The following LUZP2 variants were observed in gnomAD, a reference collection of about 807,000 sequenced individuals.
LUZP2 encodes leucine zipper protein 2.
LUZP2 carries 52 observed loss-of-function variants against 51.6 expected under a neutral mutation model. The observed-to-expected ratio is 1.01, with a 90% CI of 0.81 to 1.27. LUZP2 has a LOEUF of 1.27. Among genes scored for constraint, LUZP2 ranks in the 50% most tolerant of loss-of-function variants. LUZP2 has a pLI of 0.00. For synonymous variants in LUZP2, 154 were observed against 137.3 expected (o/e 1.12, Z -0.85); for missense variants, 436 against 395.4 (o/e 1.10, Z -0.87).
intron 1 of LUZP2, among the ~76,000 whole-genome samples, chr11:24,688,670 T>A (rs776836512): frequency 5.3e-5 from 8 of 152,122 alleles, no homozygotes; most frequent in Admixed American, 2.0e-4. Flanking sequence ...TTACCACTAT[T>A]GACTCAATGG....
chr11:25,028,350 C>T (rs976541731), intron 9 of LUZP2, among the ~76,000 whole-genome samples: 5 of 152,140 alleles, frequency 3.3e-5, no homozygotes, highest in Non-Finnish European at 5.9e-5. Flanking sequence ...CATCCCCACT[C>T]CCCATGTCCA....
chr11:24,787,700 C>T (rs372365664), intron 5 of LUZP2, among the ~76,000 whole-genome samples: 4 of 152,126 alleles, frequency 2.6e-5, no homozygotes, highest in East Asian at 3.8e-4. Flanking sequence ...CATTAATTTT[C>T]TTTGTGGTAT....
intron 10 of LUZP2, among the ~76,000 whole-genome samples, chr11:25,069,108 G>A (rs938421630): frequency 4.0e-5 from 6 of 151,888 alleles, no homozygotes; most frequent in African/African-American, 1.4e-4. Context: ...TATGAGAAAC[G>A]TTTTTTGGTT....
chr11:24,824,366 CAAAA>C (rs3078050), intron 5 of LUZP2, among the ~76,000 whole-genome samples: 8 of 27,558 alleles, frequency 2.9e-4, no homozygotes, highest in Admixed American at 7.2e-4. Flanking sequence ...AACCCCATCT[CAAAA>C]AAAAAAAAAA....
chr11:25,040,868 C>G (rs954992016), intron 9 of LUZP2, among the ~76,000 whole-genome samples: 5 of 152,106 alleles, frequency 3.3e-5, no homozygotes, highest in African/African-American at 1.2e-4. Context: ...CTTACTATAG[C>G]CCCTGGTTTG....
At chr11:24,656,566 A>G (rs1430840755) in intron 1 of LUZP2, among the ~76,000 whole-genome samples, 1 of 152,212 alleles carries the variant, frequency 6.6e-6, no homozygotes, top group African/African-American at 2.4e-5. Flanking sequence ...GCAGGGCCTC[A>G]TTCCTTCCAG....
In LUZP2 at chr11:24,542,001, A is replaced by T. The variant is rs531990859; in HGVS notation, c.62+44696A>T. ...TGAGACAGAATGGATTTATGTTTTC[A>T]CAGAATTAATGGTATACCAAAAAGA... On this transcript the variant is annotated intron_variant, in intron 1 of 11. Transcript: ENST00000336930. Among the ~76,000 whole-genome samples the T allele has an allele frequency of 2.0e-5, 3 of 152,240 alleles. No homozygotes were observed. The South Asian group carries it at 6.2e-4, about 32-fold the overall frequency.
chr11:24,960,574 TGTGGGATCG>T (rs981123504), intron 7 of LUZP2, among the ~76,000 whole-genome samples: 6 of 152,178 alleles, frequency 3.9e-5, no homozygotes, highest in African/African-American at 1.4e-4. Context: ...TTTGTATTTC[TGTGGGATCG>T]GTGGTGATAT....
At chr11:24,745,450 A>G (rs937434222) in intron 4 of LUZP2, among the ~76,000 whole-genome samples, 9 of 152,138 alleles carry the variant, frequency 5.9e-5, no homozygotes, top group South Asian at 2.1e-4. Context: ...GCCTTTTACC[A>G]TTATATAATG....
At chr11:24,821,340 C>A (rs914424657) in intron 5 of LUZP2, among the ~76,000 whole-genome samples, 1 of 152,052 alleles carries the variant, frequency 6.6e-6, no homozygotes, top group Non-Finnish European at 1.5e-5. Flanking sequence ...TGAATGGATG[C>A]GTGTATAAAT....
chr11:24,513,742 T>C (rs1012184418), intron 1 of LUZP2, among the ~76,000 whole-genome samples: 1 of 152,212 alleles, frequency 6.6e-6, no homozygotes, highest in Non-Finnish European at 1.5e-5. Context: ...ATTCCATTAA[T>C]ACCAAACAAT....
intron 1 of LUZP2, among the ~76,000 whole-genome samples, chr11:24,541,273 A>T (rs907329115): frequency 2.0e-5 from 3 of 151,370 alleles, no homozygotes; most frequent in Non-Finnish European, 4.4e-5. Context: ...AAAAAAAAAA[A>T]AAAAGGAGTG....
intron 5 of LUZP2, among the ~76,000 whole-genome samples, chr11:24,804,655 G>A (rs1422330588): frequency 1.3e-5 from 2 of 152,120 alleles, no homozygotes; most frequent in African/African-American, 4.8e-5. Flanking sequence ...AGGTATAGGA[G>A]GGCTACTTCT....
chr11:24,503,408 G>A (rs529621806), intron 1 of LUZP2, among the ~76,000 whole-genome samples: 3 of 152,242 alleles, frequency 2.0e-5, no homozygotes, highest in East Asian at 1.9e-4. Flanking sequence ...TTACTAAGAC[G>A]TCTAAGAACT....
At chr11:24,671,320 C>T (rs904536273) in intron 1 of LUZP2, among the ~76,000 whole-genome samples, 1 of 151,854 alleles carries the variant, frequency 6.6e-6, no homozygotes, top group South Asian at 2.1e-4. Context: ...TCTCCTTGAA[C>T]TGAAAATATT....
At chr11:24,669,023 C>G (rs1023349736) in intron 1 of LUZP2, among the ~76,000 whole-genome samples, 14 of 152,052 alleles carry the variant, frequency 9.2e-5, no homozygotes, top group African/African-American at 3.4e-4. Context: ...GTTTAAGCAC[C>G]TAGTGAAATA....
chr11:24,789,968 G>A (rs554440822), intron 5 of LUZP2, among the ~76,000 whole-genome samples: 2 of 152,232 alleles, frequency 1.3e-5, no homozygotes, highest in African/African-American at 4.8e-5. Flanking sequence ...CATTTACTCT[G>A]CTTTCTCAAC....
chr11:24,740,534 T>G (rs1256673744), intron 4 of LUZP2, among the ~76,000 whole-genome samples: 1 of 152,128 alleles, frequency 6.6e-6, no homozygotes, highest in Admixed American at 6.6e-5. Flanking sequence ...AGTAAGAGTG[T>G]TTGGGATTTA....
At chr11:24,606,698 T>C (rs777616220) in intron 1 of LUZP2, among the ~76,000 whole-genome samples, 1 of 152,072 alleles carries the variant, frequency 6.6e-6, no homozygotes, top group Non-Finnish European at 1.5e-5. Context: ...ATATAATAGT[T>C]GTATTTTAAA....
Sources: gnomAD v4.1 joint callset for allele counts (sites outside exome capture counted in the v4.1 genomes callset) on GRCh38, gnomAD v4.1.1 for gene constraint, MANE v1.5 for transcripts, NCBI Gene and HGNC (gene_info 2026-07-23, HGNC 2026-07-21) for gene names.